Variants in DMXL1 observed in about 807,000 individuals in gnomAD.
The protein encoded by DMXL1 is dmX-like protein 1.
Under a neutral mutation model 319.2 loss-of-function variants are expected in DMXL1, and 99 were observed. The ratio of observed to expected loss-of-function variants is 0.31; its 90% CI spans 0.26 to 0.37. DMXL1 has a LOEUF of 0.37. Ranked by LOEUF, DMXL1 falls within the 10% of genes least tolerant of loss-of-function variation. The pLI is 1.00. For synonymous variants in DMXL1, 1,385 were observed against 1,235.2 expected, an observed-to-expected ratio of 1.12 and a Z score of -2.54; for missense variants, 3,745 against 3,595.6, an observed-to-expected ratio of 1.04 and a Z score of -1.06.
intron 28 of DMXL1, among the ~76,000 whole-genome samples, chr5:119,187,296 C>G (rs1777909039): frequency 6.6e-6 from 1 of 152,022 alleles, no homozygotes; most frequent in Non-Finnish European, 1.5e-5. Flanking sequence ...AGCGGTTTTC[C>G]CATAATAGTA....
chr5:119,148,875 A>T lies in DMXL1; in HGVS notation c.3048A>T (p.Lys1016Asn), dbSNP rs1407828956. ...DGESATSKNG[K>N]IDLAYIWEEW... Reference sequence around the variant, plus strand: ...AATCTGCCACGTCAAAGAATGGAAAAATTGATCTTGCATACATTTGGGAAG... The same window carrying T: ...AATCTGCCACGTCAAAGAATGGAAATATTGATCTTGCATACATTTGGGAAG... Residue 1016 changes from lysine to asparagine, a missense_variant, in exon 18 of 44, where the codon AAA (lysine) becomes AAT (asparagine). This residue lies in a region of DMXL1 where 2,096 missense variants were observed against 1,985.4 expected (regional missense o/e 1.06). Transcript: ENST00000539542. 2 of 1,613,748 alleles carry T rather than the reference A, an allele frequency of 1.2e-6. No homozygotes were observed. The highest frequency in any genetic ancestry group is 1.7e-6 in the Non-Finnish European group (2 of 1,179,838).
At chr5:119,202,891 A>ATATATATATATATATATATTTATATATT (rs1781048094) in intron 32 of DMXL1, among the ~76,000 whole-genome samples, 54 of 139,934 alleles carry the variant, frequency 3.9e-4, no homozygotes, top group African/African-American at 1.4e-3. Context: ...ATTTTTATAT[A>ATATATATATATATATATATTTATATATT]TATATATATA....
At chr5:119,207,422 A>G (rs908906812) in intron 34 of DMXL1, among the ~76,000 whole-genome samples, 2 of 152,306 alleles carry the variant, frequency 1.3e-5, no homozygotes, top group East Asian at 3.9e-4. Flanking sequence ...CATAGTAAGT[A>G]CTCATGGTAC....
rs60476949 is a variant in DMXL1 at position 119,104,629 on chromosome 5, A to T, written c.286-551A>T. ...TGTCACATGTAATAAGGACAAACAT[A>T]GGTTATATTTATTTGTATGTGTGTG... On this transcript the variant is annotated intron_variant, in intron 3 of 43. Transcript: ENST00000539542. Among the ~76,000 whole-genome samples the T allele has an allele frequency of 4.6e-4, 70 of 152,348 alleles. No homozygotes were observed. In the East Asian group the frequency reaches 0.013, roughly 28 times the overall value.
chr5:119,107,512 T>C (rs1405030365), intron 4 of DMXL1, among the ~76,000 whole-genome samples: 1 of 152,236 alleles, frequency 6.6e-6, no homozygotes, highest in Non-Finnish European at 1.5e-5. Flanking sequence ...CCTGCTTTAC[T>C]ATCCATAATA....
At chr5:119,086,718 T>C (rs1473070991) in intron 1 of DMXL1, among the ~76,000 whole-genome samples, 1 of 152,206 alleles carries the variant, frequency 6.6e-6, no homozygotes, top group Non-Finnish European at 1.5e-5. Context: ...GGCTTCCATC[T>C]CATTACTCAT....
intron 1 of DMXL1, among the ~76,000 whole-genome samples, chr5:119,090,209 C>T (rs1367611606): frequency 4.0e-5 from 6 of 150,132 alleles, no homozygotes; most frequent in Non-Finnish European, 7.4e-5. Flanking sequence ...TTAGTAGAGA[C>T]AGGGTTTCAC....
At chr5:119,176,824 C>A (rs1775891768) in intron 26 of DMXL1, among the ~76,000 whole-genome samples, 1 of 151,962 alleles carries the variant, frequency 6.6e-6, no homozygotes, top group African/African-American at 2.4e-5. Context: ...GGAAGCTTAT[C>A]CTGAATTCTC....
At chr5:119,110,961 G>A (rs1759449961) in intron 5 of DMXL1, among the ~76,000 whole-genome samples, 1 of 152,078 alleles carries the variant, frequency 6.6e-6, no homozygotes, top group African/African-American at 2.4e-5. Context: ...GCTAATTTTT[G>A]TATTTTTAGT....
At chr5:119,125,762 C>T in intron 9 of DMXL1, among the ~76,000 whole-genome samples, 1 of 151,926 alleles carries the variant, frequency 6.6e-6, no homozygotes, top group Non-Finnish European at 1.5e-5. Flanking sequence ...GGCGGGGTTT[C>T]ACCATGTTAG....
intron 29 of DMXL1, among the ~76,000 whole-genome samples, chr5:119,193,489 A>G (rs1316443614): frequency 1.3e-5 from 2 of 152,182 alleles, no homozygotes; most frequent in Admixed American, 1.3e-4. Flanking sequence ...TTTGTAGCAC[A>G]TAATACAGTT....
intron 1 of DMXL1, among the ~76,000 whole-genome samples, chr5:119,077,634 CTTTTTT>C (rs1051388359): frequency 1.4e-5 from 1 of 70,720 alleles, no homozygotes; most frequent in East Asian, 4.0e-4. Context: ...CCATTCCTGG[CTTTTTT>C]TTTTTTTTTT....
intron 9 of DMXL1, among the ~76,000 whole-genome samples, chr5:119,124,421 C>T (rs1202802820): frequency 6.6e-6 from 1 of 152,004 alleles, no homozygotes; most frequent in Non-Finnish European, 1.5e-5. Context: ...ACCTCAACTT[C>T]AGTCTTAATG....
At chr5:119,205,530 T>G in intron 33 of DMXL1, among the ~76,000 whole-genome samples, 1 of 152,122 alleles carries the variant, frequency 6.6e-6, no homozygotes, top group East Asian at 1.9e-4. Flanking sequence ...TCTCTGAATT[T>G]TGTTTTTTTA....
intron 28 of DMXL1, among the ~76,000 whole-genome samples, chr5:119,186,242 C>A (rs79845305): frequency 6.6e-6 from 1 of 152,052 alleles, no homozygotes; most frequent in Non-Finnish European, 1.5e-5. Context: ...AGAGTGAGAC[C>A]TGCTGGTTAC....
chr5:119,169,259 T>C (rs911893067), intron 23 of DMXL1, among the ~76,000 whole-genome samples: 11 of 152,236 alleles, frequency 7.2e-5, no homozygotes, highest in Admixed American at 2.6e-4. Context: ...TACATACTTT[T>C]ATTATGAATT....
At chr5:119,121,501 T>G (rs1464066300) in intron 9 of DMXL1, among the ~76,000 whole-genome samples, 2 of 152,044 alleles carry the variant, frequency 1.3e-5, no homozygotes, top group Non-Finnish European at 2.9e-5. Flanking sequence ...GCATGCTGCC[T>G]TCAGGCATCT....
At chr5:119,129,799 C>T (rs139383947) in intron 10 of DMXL1, among the ~76,000 whole-genome samples, 1 of 152,314 alleles carries the variant, frequency 6.6e-6, no homozygotes, top group East Asian at 1.9e-4. Flanking sequence ...TTTGTATGTA[C>T]ATTAAAGTTT....
Position 119,122,302 on chromosome 5 carries a change from C to T in DMXL1, c.1102+1163C>T, listed in dbSNP as rs1426706760. On this transcript the variant is annotated intron_variant, in intron 9 of 43. Coordinates refer to ENST00000539542, the MANE Select transcript of DMXL1 (RefSeq NM_001290321.3). ...CTCCCTCCCGGACGGGGCGGCTGGC[C>T]GGGCGGGGGGCTGACCCCCCCACCT... Among the ~76,000 whole-genome samples, 279 of 145,420 alleles carry T rather than the reference C, an allele frequency of 1.9e-3. 2 individuals are homozygous for T. The highest frequency in any genetic ancestry group is 1.5e-3 in the African/African-American group (59 of 39,410).
Sources: allele counts gnomAD v4.1 joint callset (sites outside exome capture counted in the v4.1 genomes callset), GRCh38; gene constraint gnomAD v4.1.1; regional missense constraint gnomAD v4.1.1; transcripts MANE v1.5; gene names NCBI Gene and HGNC (gene_info 2026-07-23, HGNC 2026-07-21).